Variants in ACOT1 observed in about 807,000 individuals in gnomAD.
ACOT1 encodes the protein acyl-CoA thioesterase 1, also known as acyl-coenzyme A thioesterase 1.
A neutral mutation model predicts 15.7 loss-of-function variants in ACOT1; 8 were observed. That is an observed-to-expected ratio of 0.51 (90% CI 0.30 to 0.92). The LOEUF (loss-of-function observed/expected upper bound fraction) is 0.92. ACOT1 is among the 40% of genes least tolerant of loss of function. The probability of loss-of-function intolerance (pLI) is 0.06; values close to 1 mark genes in which losing one functional copy is unlikely to be tolerated. For missense variants in ACOT1, 151 were observed against 539.4 expected (o/e 0.28, Z 7.13); for synonymous variants, 67 against 241.2 (o/e 0.28, Z 6.69).
At chr14:73,511,003 T>C in the ACOT1 span, among the ~76,000 whole-genome samples, 1 of 152,170 alleles carries the variant, frequency 6.6e-6, no homozygotes, top group African/African-American at 2.4e-5. Context: ...TCAAACAGGA[T>C]TTATATCATA....
At chr14:73,511,452 G>C in the ACOT1 span, among the ~76,000 whole-genome samples, 2 of 151,894 alleles carry the variant, frequency 1.3e-5, no homozygotes, top group African/African-American at 4.8e-5. Context: ...CTGGGAGGTG[G>C]AGGTTGCAGT....
At chr14:73,499,283 C>G in the ACOT1 span, 1 of 711,754 alleles carries the variant, frequency 1.4e-6, no homozygotes, top group Non-Finnish European at 2.5e-6. Flanking sequence ...GAGTTTGAGA[C>G]CAGCCTGGCC....
At chr14:73,509,988 C>T in the ACOT1 span, among the ~76,000 whole-genome samples, 6 of 150,378 alleles carry the variant, frequency 4.0e-5, no homozygotes, top group African/African-American at 1.5e-4. Context: ...ATTCTCCTGC[C>T]TCAGCCTCCC....
chr14:73,498,817 T>C, the ACOT1 span, among the ~76,000 whole-genome samples: 1 of 152,238 alleles, frequency 6.6e-6, no homozygotes, highest in Admixed American at 6.5e-5. Context: ...TTGGAACTTA[T>C]CCTTAATTCT....
At chr14:73,491,355 G>C in the ACOT1 span, 1 of 1,428,404 alleles carries the variant, frequency 7.0e-7, no homozygotes, top group African/African-American at 1.5e-5. Context: ...CCCGCCGCGC[G>C]CTCCCTGCAG....
At chr14:73,491,897 T>G in the ACOT1 span, 2 of 1,612,198 alleles carry the variant, frequency 1.2e-6, no homozygotes, top group South Asian at 2.2e-5. Flanking sequence ...CCAGGCCGGC[T>G]GCTCCCTGCG....
the ACOT1 span, among the ~76,000 whole-genome samples, chr14:73,524,330 T>TAC: frequency 7.3e-6 from 1 of 137,912 alleles, no homozygotes; most frequent in African/African-American, 2.8e-5. Context: ...TATATATATA[T>TAC]ATATATTATA....
the ACOT1 span, chr14:73,498,129 G>T: frequency 1.3e-6 from 2 of 1,585,312 alleles, no homozygotes; most frequent in Non-Finnish European, 1.7e-6. Context: ...TAAGGTCATG[G>T]TGGGAGCCAG....
At chr14:73,513,383 T>C in the ACOT1 span, among the ~76,000 whole-genome samples, 2 of 148,986 alleles carry the variant, frequency 1.3e-5, no homozygotes, top group Non-Finnish European at 3.0e-5. Context: ...CGCTTGAACC[T>C]GGGAGGTAGA....
At chr14:73,538,020 C>T in intron 1 of ACOT1, 142 bp downstream of exon 1, 1 of 768,870 alleles carries the variant, frequency 1.3e-6, no homozygotes, top group Non-Finnish European at 1.8e-6. Flanking sequence ...CACCACCACC[C>T]CGGGCTATGT....
chr14:73,498,572 T>C, the ACOT1 span, among the ~76,000 whole-genome samples: 3 of 152,166 alleles, frequency 2.0e-5, no homozygotes, highest in Non-Finnish European at 4.4e-5. Flanking sequence ...GGATGAAATA[T>C]AGAACAAATA....
the ACOT1 span, among the ~76,000 whole-genome samples, chr14:73,498,605 C>T: frequency 1.3e-5 from 2 of 152,286 alleles, no homozygotes; most frequent in Non-Finnish European, 2.9e-5. Context: ...TGCCTAGTCC[C>T]AGCAGGGTGA....
the ACOT1 span, among the ~76,000 whole-genome samples, chr14:73,510,177 A>G: frequency 6.6e-6 from 1 of 151,888 alleles, no homozygotes; most frequent in African/African-American, 2.4e-5. Context: ...TTATATTTGT[A>G]AGAACAATTA....
chr14:73,506,457 A>G, the ACOT1 span: 2 of 1,607,342 alleles, frequency 1.2e-6, no homozygotes, highest in South Asian at 1.1e-5. Context: ...AGGCAAAGAA[A>G]GAGGTTTACC....
At chr14:73,527,355 T>C in the ACOT1 span, 1 of 151,856 alleles carries the variant, frequency 6.6e-6, no homozygotes, top group Admixed American at 6.6e-5. Context: ...ATGTGACCTT[T>C]CCAGACAGGG....
At chr14:73,491,449 G>C in the ACOT1 span, 6 of 1,392,190 alleles carry the variant, frequency 4.3e-6, no homozygotes, top group South Asian at 8.2e-5. Flanking sequence ...GGGTGGTGGA[G>C]ACCTCGGCCC....
chr14:73,500,801 G>T, the ACOT1 span: 1 of 1,419,480 alleles, frequency 7.0e-7, no homozygotes, highest in South Asian at 1.3e-5. Context: ...CCCCACTAAT[G>T]CCCTCATGAT....
chr14:73,510,360 A>T, the ACOT1 span, among the ~76,000 whole-genome samples: 1 of 152,142 alleles, frequency 6.6e-6, no homozygotes, highest in East Asian at 1.9e-4. Context: ...CACCAGAAGA[A>T]TATGGGACAG....
upstream of ACOT1, among the ~76,000 whole-genome samples, chr14:73,534,704 G>A (rs1595150978): frequency 1.8e-5 from 2 of 112,732 alleles, no homozygotes; most frequent in South Asian, 5.7e-4. Context: ...AAACAAACAA[G>A]CAAATAAACA....
Sources: gnomAD v4.1 joint callset for allele counts (sites outside exome capture counted in the v4.1 genomes callset) on GRCh38, gnomAD v4.1.1 for gene constraint, MANE v1.5 for transcripts, NCBI Gene and HGNC (gene_info 2026-07-23, HGNC 2026-07-21) for gene names.